Variants in FRAS1 observed in about 807,000 individuals in gnomAD.
FRAS1 encodes extracellular matrix organizing protein FRAS1.
A neutral mutation model predicts 435.2 loss-of-function variants in FRAS1; 290 were observed. The observed-to-expected ratio is 0.67, with a 90% CI of 0.61 to 0.73. The LOEUF is 0.73. Among genes scored for constraint, FRAS1 ranks in the 30% least tolerant of loss-of-function variants. The pLI is 0.00. For missense variants in FRAS1, 4,860 were observed against 5,001.5 expected (o/e 0.97, Z 0.85); for synonymous variants, 1,800 against 1,851.0 (o/e 0.97, Z 0.71).
Position 78,489,821 on chromosome 4 carries a change from C to A in FRAS1, c.8958+741C>A, listed in dbSNP as rs148683413. Among the ~76,000 whole-genome samples, 4 of 152,178 alleles carry A rather than the reference C, an allele frequency of 2.6e-5. No individual in the cohort carries two copies. In the East Asian group the frequency reaches 5.8e-4, roughly 22 times the overall value. On this transcript the variant is annotated intron_variant, in intron 59 of 73. Transcript: ENST00000512123. ...AGGAGGCAGCCGTCTAATACCTGCA[C>A]CCCTGTCCCAGGGAAACATATATCC...
intron 9 of FRAS1, among the ~76,000 whole-genome samples, chr4:78,268,177 G>C (rs1441590155): frequency 6.6e-6 from 1 of 152,150 alleles, no homozygotes; most frequent in Non-Finnish European, 1.5e-5. Context: ...CCGTGAACTT[G>C]AGTAGATGAG....
rs1270819772 is a variant in FRAS1 at position 78,466,236 on chromosome 4, A to G, written c.7058A>G (p.Gln2353Arg). 1.2e-6 allele frequency: 2 copies of G among 1,613,804 alleles called. No homozygotes were observed. Among genetic ancestry groups the G allele is most frequent in the East Asian group, 2.2e-5 (1 of 44,894 alleles). The stretch of plus-strand genomic sequence containing the variant: ...GAGTCTGTCACATTCACCATCGTGC[A>G]GCCTCCACGCCATGGCACCATCGAG... ...EAESVTFTIV[Q>R]PPRHGTIERT... Residue 2353 changes from glutamine to arginine, a missense_variant, in exon 50 of 74, where the codon CAG (glutamine) becomes CGG (arginine). By Grantham distance (43) the Gln-to-Arg change is conservative. Coordinates refer to ENST00000512123, the MANE Select transcript of FRAS1 (RefSeq NM_025074.7).
At chr4:78,519,581 C>T (rs1721324984) in intron 67 of FRAS1, 100 bp downstream of exon 67, 1 of 1,367,768 alleles carries the variant, frequency 7.3e-7, no homozygotes, top group Admixed American at 2.2e-5. Context: ...CATTTCTCAT[C>T]CTGTTATCCC....
At chr4:78,067,699 ATTATTATTATT>A (rs1297437505) in intron 2 of FRAS1, among the ~76,000 whole-genome samples, 1 of 118,526 alleles carries the variant, frequency 8.4e-6, no homozygotes, top group Non-Finnish European at 1.9e-5. Flanking sequence ...TATTATTATT[ATTATTATTATT>A]ATTTGTAAGA....
chr4:78,382,248 T>C (rs1732050604), intron 27 of FRAS1, among the ~76,000 whole-genome samples: 3 of 150,314 alleles, frequency 2.0e-5, no homozygotes, highest in Admixed American at 1.3e-4. Flanking sequence ...TTTTCAGGGG[T>C]GGTACTCTCA....
chr4:78,393,021 T>A (rs1732513137), intron 29 of FRAS1, among the ~76,000 whole-genome samples: 1 of 151,282 alleles, frequency 6.6e-6, no homozygotes, highest in Non-Finnish European at 1.5e-5. Context: ...TTTTTTTTTT[T>A]TTAAAAAAAA....
intron 33 of FRAS1, among the ~76,000 whole-genome samples, chr4:78,420,879 CATATATATATATATATAT>C (rs72430754): frequency 6.7e-4 from 64 of 95,518 alleles, no homozygotes; most frequent in South Asian, 3.7e-3. Flanking sequence ...ACTAATAGGA[CATATATATATATATATAT>C]ATATATATAT....
chr4:78,372,510 C>T lies in FRAS1; in HGVS notation c.2870-208C>T, dbSNP rs532099181. The stretch of plus-strand genomic sequence containing the variant: ...GCATAGAGTGCTCCTTGTACATGTC[C>T]GTGTCTAACATAATTAGGGAACACT... On this transcript the variant is annotated intron_variant, in intron 23 of 73. Coordinates refer to ENST00000512123, the MANE Select transcript of FRAS1 (RefSeq NM_025074.7). Among the ~76,000 whole-genome samples the T allele has an allele frequency of 9.9e-5, 15 of 152,262 alleles. No individual in the cohort carries two copies. The South Asian group carries it at 1.9e-3, about 19-fold the overall frequency.
intron 41 of FRAS1, chr4:78,444,069 G>C (rs1336245013): frequency 2.4e-6 from 1 of 422,244 alleles, no homozygotes; most frequent in Non-Finnish European, 4.6e-6. Context: ...TGCCTAGTCT[G>C]GTCTTGAAGT....
intron 20 of FRAS1, among the ~76,000 whole-genome samples, chr4:78,341,601 CT>C (rs1390648667): frequency 6.6e-6 from 1 of 152,108 alleles, no homozygotes; most frequent in East Asian, 1.9e-4. Context: ...CAAAAATGGT[CT>C]GAGTGGCAAT....
intron 62 of FRAS1, 60 bp from the exon 63 acceptor site, chr4:78,508,671 C>T: frequency 6.3e-7 from 1 of 1,575,020 alleles, no homozygotes; most frequent in Non-Finnish European, 8.7e-7. Context: ...AGAAAGGGGG[C>T]TTAGTTCTCT....
At chr4:78,224,967 T>C (rs988949880) in intron 2 of FRAS1, among the ~76,000 whole-genome samples, 2 of 152,152 alleles carry the variant, frequency 1.3e-5, no homozygotes, top group Admixed American at 1.3e-4. Context: ...TTAGTAGTGG[T>C]CATATACTGA....
intron 2 of FRAS1, among the ~76,000 whole-genome samples, chr4:78,183,825 T>C (rs1309189060): frequency 8.3e-6 from 1 of 120,302 alleles, no homozygotes; most frequent in Non-Finnish European, 1.8e-5. Flanking sequence ...CAACACATTA[T>C]ATATTTAATT....
In FRAS1 at chr4:78,413,653, A is replaced by G. The variant is rs569150655; in HGVS notation, c.4425+568A>G. Among the ~76,000 whole-genome samples, 7 of 152,224 alleles carry G rather than the reference A, an allele frequency of 4.6e-5. No individual in the cohort carries two copies. The South Asian group carries it at 1.4e-3, about 31-fold the overall frequency. On this transcript the variant is annotated intron_variant, in intron 32 of 73. Transcript: ENST00000512123. ...GAGCACATGGAAAGACCCACAGGTG[A>G]GAGAGAATAGAACTGTTGCTAAATT...
intron 14 of FRAS1, among the ~76,000 whole-genome samples, chr4:78,306,968 G>T (rs1181399535): frequency 6.6e-6 from 1 of 152,172 alleles, no homozygotes; most frequent in African/African-American, 2.4e-5. Flanking sequence ...CAGTTTTTCT[G>T]CTCTGTTTTT....
At chr4:78,123,961 C>G (rs190549535) in intron 2 of FRAS1, among the ~76,000 whole-genome samples, 2 of 152,140 alleles carry the variant, frequency 1.3e-5, no homozygotes, top group South Asian at 2.1e-4. Context: ...AATTGAATAC[C>G]TTTTATTTCT....
chr4:78,058,119 T>C (rs897961753), intron 1 of FRAS1, 34 bp downstream of exon 1: 30 of 1,481,134 alleles, frequency 2.0e-5, no homozygotes, highest in South Asian at 2.0e-4. Flanking sequence ...TGTGTGTGTG[T>C]GCGTGTGCGT....
In FRAS1 at chr4:78,526,638, A is replaced by G. The variant is rs1399050730; in HGVS notation, c.10906A>G (p.Thr3636Ala). The G allele has an allele frequency of 6.3e-7, 1 of 1,581,676 alleles. No homozygotes were observed. Among genetic ancestry groups the G allele is most frequent in the Non-Finnish European group, 8.6e-7 (1 of 1,165,540 alleles). The change falls in exon 70 of 74, where the codon ACT (threonine) becomes GCT (alanine). Residue 3636 changes from threonine (T) to alanine (A), a missense_variant. Physicochemically the swap from Thr to Ala is moderately conservative, Grantham distance 58. Transcript: ENST00000512123. ...CCCAGGAGAGAAGCCTTTGGCCTGC[A>G]CTGCACATGCCCCAGAAAGGTAGGA... ...VDPGEKPLAC[T>A]AHAPERFLIP...
rs11933630 is a variant in FRAS1 at position 78,499,857 on chromosome 4, G to A, written c.9252G>A (p.Arg3084=). Residue 3084 remains arginine (R), a synonymous_variant, in exon 61 of 74, where the codon CGG becomes CGA. Transcript: ENST00000512123. ...NRTSKVRCST[R]DGSAQSGVDY... ...CCTCCAAGGTTCGCTGCAGCACGCG[G>A]GATGGCTCTGCCCAGTCTGGTGTGG... 4 of 1,613,220 alleles carry A rather than the reference G, an allele frequency of 2.5e-6. No homozygotes were observed. The highest frequency in any genetic ancestry group is 1.3e-5 in the African/African-American group (1 of 75,014).
Sources: allele counts gnomAD v4.1 joint callset (sites outside exome capture counted in the v4.1 genomes callset), GRCh38; gene constraint gnomAD v4.1.1; transcripts MANE v1.5; gene names NCBI Gene and HGNC (gene_info 2026-07-23, HGNC 2026-07-21).